The following MSRA variants were observed in gnomAD, a reference collection of about 807,000 sequenced individuals.
MSRA encodes the protein mitochondrial peptide methionine sulfoxide reductase.
A neutral mutation model predicts 31.3 loss-of-function variants in MSRA; 54 were observed. That is an observed-to-expected ratio of 1.73 (90% CI 1.39 to 2.17). The LOEUF (loss-of-function observed/expected upper bound fraction) is 2.17, where lower values mean the gene tolerates loss of function less well. MSRA is among the 30% of genes most tolerant of loss of function. The pLI is 0.00. For missense variants in MSRA, 507 were observed against 300.9 expected (o/e 1.69, Z -5.07); for synonymous variants, 169 against 116.5 (o/e 1.45, Z -2.90).
At chr8:10,156,543 G>C (rs1458797054) in intron 1 of MSRA, among the ~76,000 whole-genome samples, 1 of 152,134 alleles carries the variant, frequency 6.6e-6, no homozygotes, top group Non-Finnish European at 1.5e-5. Context: ...GTTTCTGTAG[G>C]TTTGATATTT....
At chr8:10,102,152 T>A (rs774149528) in intron 1 of MSRA, among the ~76,000 whole-genome samples, 3 of 152,194 alleles carry the variant, frequency 2.0e-5, no homozygotes, top group Non-Finnish European at 4.4e-5. Flanking sequence ...TCATTCACCT[T>A]CTTGAATATG....
chr8:10,118,473 C>A (rs1225035485), intron 1 of MSRA, among the ~76,000 whole-genome samples: 1 of 152,108 alleles, frequency 6.6e-6, no homozygotes, highest in Non-Finnish European at 1.5e-5. Context: ...CAGGCCTGAT[C>A]CATCTCTCCC....
rs775247841 is a variant in MSRA at position 10,054,598 on chromosome 8, T to G, written c.82T>G (p.Ser28Ala). The G allele has an allele frequency of 1.9e-6, 3 of 1,580,472 alleles. No homozygotes were observed. Among genetic ancestry groups the G allele is most frequent in the African/African-American group, 2.8e-5 (2 of 71,608 alleles). Residue 28 changes from serine (S) to alanine (A), a missense_variant, in exon 1 of 6, where the codon TCG becomes GCG. By Grantham distance (99) the Ser-to-Ala change is moderately conservative (BLOSUM62 1). Transcript: ENST00000317173. ...CGTCCCGAGGATGGGCAACTCGGCC[T>G]CGAACATCGTCAGCCCCCAGGAGGC... ...FPVPRMGNSA[S>A]NIVSPQEALP...
chr8:10,385,132 G>A (rs546418383), intron 5 of MSRA, among the ~76,000 whole-genome samples: 1 of 152,348 alleles, frequency 6.6e-6, no homozygotes, highest in South Asian at 2.1e-4. Flanking sequence ...GCAGGAGATG[G>A]AGGTCAGTGA....
At chr8:10,394,021 G>A (rs929491567) in intron 5 of MSRA, among the ~76,000 whole-genome samples, 4 of 152,224 alleles carry the variant, frequency 2.6e-5, no homozygotes, top group Non-Finnish European at 5.9e-5. Flanking sequence ...AGATGGAAGA[G>A]ACCCTAAGAC....
At chr8:10,095,561 A>G (rs1640176812) in intron 1 of MSRA, 1 of 985,726 alleles carries the variant, frequency 1.0e-6, no homozygotes, top group Non-Finnish European at 1.2e-6. Flanking sequence ...AGAGTGAGAG[A>G]GAGAAAGAGG....
At chr8:10,310,469 A>G (rs971699740) in intron 4 of MSRA, among the ~76,000 whole-genome samples, 12 of 152,234 alleles carry the variant, frequency 7.9e-5, no homozygotes, top group Admixed American at 2.0e-4. Flanking sequence ...CTTCTGTCAT[A>G]TAATACTATA....
intron 1 of MSRA, among the ~76,000 whole-genome samples, chr8:10,183,246 A>T (rs1353427214): frequency 6.6e-6 from 1 of 152,096 alleles, no homozygotes; most frequent in Non-Finnish European, 1.5e-5. Context: ...TCACACTAGG[A>T]TGTAGGAGGT....
chr8:10,160,180 C>T (rs541721037), intron 1 of MSRA, among the ~76,000 whole-genome samples: 1 of 152,122 alleles, frequency 6.6e-6, no homozygotes, highest in Non-Finnish European at 1.5e-5. Flanking sequence ...GATAATCATA[C>T]AGCCCCAACA....
chr8:10,319,860 C>T (rs369099656), intron 4 of MSRA, 23 bp from the exon 5 acceptor site: 5 of 1,455,278 alleles, frequency 3.4e-6, no homozygotes, highest in Non-Finnish European at 4.6e-6. Flanking sequence ...CCGGGTAACC[C>T]TCCCTGTTTT....
intron 5 of MSRA, among the ~76,000 whole-genome samples, chr8:10,404,400 C>A (rs1458274981): frequency 6.6e-6 from 1 of 152,238 alleles, no homozygotes; most frequent in African/African-American, 2.4e-5. Flanking sequence ...ACGATCCCGT[C>A]ACCACCCCCC....
chr8:10,184,832 T>G (rs1025070770), intron 1 of MSRA, among the ~76,000 whole-genome samples: 5 of 152,162 alleles, frequency 3.3e-5, no homozygotes, highest in African/African-American at 1.2e-4. Context: ...CCTACCTAGG[T>G]CTTCCCACTC....
intron 5 of MSRA, among the ~76,000 whole-genome samples, chr8:10,374,724 A>G (rs1805663523): frequency 6.6e-6 from 1 of 152,040 alleles, no homozygotes; most frequent in Admixed American, 6.5e-5. Context: ...AGATGAAAAA[A>G]CTTTGGGATT....
intron 1 of MSRA, among the ~76,000 whole-genome samples, chr8:10,201,320 A>G (rs1031190198): frequency 2.0e-5 from 3 of 152,068 alleles, no homozygotes; most frequent in African/African-American, 7.2e-5. Context: ...ATGAGATTGT[A>G]CTTCTTGATG....
chr8:10,168,492 T>G (rs1805332970), intron 1 of MSRA, among the ~76,000 whole-genome samples: 2 of 152,206 alleles, frequency 1.3e-5, no homozygotes, highest in African/African-American at 4.8e-5. Context: ...TTTTAGTGTA[T>G]AAATGTGGTT....
At chr8:10,340,068 T>C (rs780272230) in intron 5 of MSRA, among the ~76,000 whole-genome samples, 1 of 152,050 alleles carries the variant, frequency 6.6e-6, no homozygotes, top group Non-Finnish European at 1.5e-5. Flanking sequence ...GGTATGAGAA[T>C]ATGAGTAGCC....
chr8:10,371,040 G>A (rs1453534260), intron 5 of MSRA, among the ~76,000 whole-genome samples: 3 of 152,122 alleles, frequency 2.0e-5, no homozygotes, highest in Admixed American at 6.6e-5. Flanking sequence ...AGGCACATCC[G>A]AATCCCCTGG....
At chr8:10,289,595 T>A (rs902043322) in intron 3 of MSRA, among the ~76,000 whole-genome samples, 1 of 152,226 alleles carries the variant, frequency 6.6e-6, no homozygotes, top group Non-Finnish European at 1.5e-5. Flanking sequence ...TGCTATCAAA[T>A]GGTATGGAGT....
chr8:10,345,438 C>G (rs1368692140), intron 5 of MSRA, among the ~76,000 whole-genome samples: 2 of 152,152 alleles, frequency 1.3e-5, no homozygotes, highest in Non-Finnish European at 2.9e-5. Context: ...ATGAAGAAGT[C>G]TTGTACCAAG....
Sources: allele counts gnomAD v4.1 joint callset (sites outside exome capture counted in the v4.1 genomes callset), GRCh38; gene constraint gnomAD v4.1.1; transcripts MANE v1.5; gene names NCBI Gene and HGNC (gene_info 2026-07-23, HGNC 2026-07-21).